The following LIPF variants were observed in gnomAD, a reference collection of about 807,000 sequenced individuals.
LIPF encodes the protein gastric triacylglycerol lipase.
Under a neutral mutation model 38.0 loss-of-function variants are expected in LIPF, and 25 were observed. That is an observed-to-expected ratio of 0.66 (90% CI 0.48 to 0.92). The LOEUF (loss-of-function observed/expected upper bound fraction) is 0.92, where lower values mean the gene tolerates loss of function less well. Ranked by LOEUF, LIPF falls within the 40% of genes least tolerant of loss-of-function variation. LIPF has a pLI of 0.00. For synonymous variants in LIPF, 161 were observed against 156.2 expected (o/e 1.03, Z -0.23); for missense variants, 410 against 469.9 (o/e 0.87, Z 1.18).
At position 88,668,660 on chromosome 10, in the gene LIPF, C is replaced by T; in HGVS notation, c.326C>T (p.Ala109Val). The change falls in exon 4 of 10, where the codon GCT becomes GTT. Residue 109 changes from alanine (A) to valine (V), a missense_variant. Ala to Val is a moderately conservative substitution (Grantham distance 64). Transcript: ENST00000238983. ...NNSLAFILAD[A>V]GYDVWLGNSR... is the part of the protein sequence containing the mutation. ...AGCCTTGCCTTCATTCTGGCAGATG[C>T]TGGTTATGATGTGTGGCTGGGCAAC... The T allele has an allele frequency of 6.2e-7, 1 of 1,614,180 alleles. No individual in the cohort carries two copies. Among genetic ancestry groups the T allele is most frequent in the East Asian group, 2.2e-5 (1 of 44,884 alleles).
chr10:88,669,995 T>G, intron 5 of LIPF, 49 bp downstream of exon 5: 1 of 1,208,552 alleles, frequency 8.3e-7, no homozygotes, highest in Non-Finnish European at 1.2e-6. Context: ...ATAAACACTT[T>G]CCCAGTGGTT....
At chr10:88,671,769 C>T (rs1841599401) in intron 5 of LIPF, 60 bp from the exon 6 acceptor site, 1 of 1,546,412 alleles carries the variant, frequency 6.5e-7, no homozygotes, top group Middle Eastern at 1.7e-4. Context: ...TAAAAACAAA[C>T]AAAACAACAA....
At chr10:88,672,666 A>ACTCT (rs1345269877) in intron 6 of LIPF, among the ~76,000 whole-genome samples, 2,746 of 121,498 alleles carry the variant, frequency 0.023, 24 homozygotes, top group Non-Finnish European at 0.031. Flanking sequence ...ACACACACAC[A>ACTCT]CACACTCTCT....
intron 9 of LIPF, among the ~76,000 whole-genome samples, chr10:88,678,243 G>A (rs577460990): frequency 5.3e-5 from 8 of 152,136 alleles, no homozygotes; most frequent in African/African-American, 2.4e-5. Flanking sequence ...TAATTCACAG[G>A]CCCATTAGAA....
At chr10:88,672,812 A>G (rs1204489158) in intron 6 of LIPF, among the ~76,000 whole-genome samples, 2 of 152,172 alleles carry the variant, frequency 1.3e-5, no homozygotes, top group Non-Finnish European at 2.9e-5. Flanking sequence ...AAAGCCTAAG[A>G]GAACTTACCT....
At chr10:88,673,222 A>G (rs1179940399) in intron 6 of LIPF, among the ~76,000 whole-genome samples, 1 of 152,124 alleles carries the variant, frequency 6.6e-6, no homozygotes. Flanking sequence ...ACTTTTCACA[A>G]TTTATTGCTG....
In LIPF at chr10:88,669,900, A is replaced by T. The variant is rs985737847; in HGVS notation, c.486A>T (p.Gly162=). The T allele has an allele frequency of 3.1e-6, 5 of 1,613,492 alleles. No individual in the cohort carries two copies. The African/African-American group carries it at 6.7e-5, about 22-fold the overall frequency. ...TCGACTTCATTGTAAAGAAAACTGG[A>T]CAGAAGCAGCTACACTATGTTGGCC... ...ATIDFIVKKT[G]QKQLHYVGHS... is the part of the protein sequence containing the mutation. Residue 162 remains glycine, a synonymous_variant, in exon 5 of 10, where the codon GGA becomes GGT. Coordinates refer to ENST00000238983, the MANE Select transcript of LIPF (RefSeq NM_004190.4).
At chr10:88,673,445 G>A (rs1841634616) in intron 6 of LIPF, 143 bp from the exon 7 acceptor site, 2 of 689,156 alleles carry the variant, frequency 2.9e-6, no homozygotes, top group African/African-American at 3.6e-5. Flanking sequence ...CTAAATGAAA[G>A]TATTGGAAAT....
Position 88,678,601 on chromosome 10 carries a change from T to C in LIPF, c.1117T>C (p.Leu373=), listed in dbSNP as rs1841725531. 5 of 1,614,010 alleles carry C rather than the reference T, an allele frequency of 3.1e-6. 1 individual carries two copies. The South Asian group carries it at 5.5e-5, about 18-fold the overall frequency. The change falls in exon 10 of 10, where the codon TTG becomes CTG. Residue 373 remains leucine, a synonymous_variant. Transcript: ENST00000238983. ...YHKEIPFYNH[L]DFIWAMDAPQ... ...CAAGGAGATTCCTTTTTACAATCAC[T>C]TGGACTTTATCTGGGCAATGGATGC...
At chr10:88,675,560 T>A in intron 7 of LIPF, 26 bp from the exon 8 acceptor site, 1 of 1,536,768 alleles carries the variant, frequency 6.5e-7, no homozygotes, top group Admixed American at 1.7e-5. Flanking sequence ...AGTATGTATA[T>A]AATATGTGTG....
intron 1 of LIPF, among the ~76,000 whole-genome samples, chr10:88,667,057 C>T: frequency 6.6e-6 from 1 of 151,754 alleles, no homozygotes; most frequent in East Asian, 1.9e-4. Flanking sequence ...CAAAAGGAAT[C>T]AAACAGTGAA....
chr10:88,667,785 T>A (rs1841536497), intron 3 of LIPF, 99 bp downstream of exon 3: 2 of 616,438 alleles, frequency 3.2e-6, no homozygotes. Context: ...CTTTTCCTTC[T>A]TTTGTTCTTC....
At chr10:88,672,247 A>G (rs1841611119) in intron 6 of LIPF, among the ~76,000 whole-genome samples, 1 of 152,146 alleles carries the variant, frequency 6.6e-6, no homozygotes, top group South Asian at 2.1e-4. Context: ...CACTCTACAC[A>G]GTTGTGTCAA....
chr10:88,675,369 G>A (rs1259293784), intron 7 of LIPF: 2 of 477,996 alleles, frequency 4.2e-6, no homozygotes, highest in African/African-American at 2.0e-5. Context: ...GAACTAATAA[G>A]TTCTCCTCAT....
chr10:88,666,681 A>T (rs892203628), intron 1 of LIPF, among the ~76,000 whole-genome samples: 1 of 151,968 alleles, frequency 6.6e-6, no homozygotes, highest in Non-Finnish European at 1.5e-5. Context: ...ATGTAGAAAC[A>T]CCCTATCTCT....
intron 7 of LIPF, 35 bp downstream of exon 7, chr10:88,673,769 AC>A: frequency 6.4e-7 from 1 of 1,573,548 alleles, no homozygotes; most frequent in Non-Finnish European, 8.7e-7. Context: ...ATTTTGAGCA[AC>A]ATCTTTGATT....
At chr10:88,665,667 G>C (rs1418889609) in intron 1 of LIPF, 1 of 752,706 alleles carries the variant, frequency 1.3e-6, no homozygotes, top group Non-Finnish European at 2.3e-6. Flanking sequence ...AACACTACTG[G>C]TTAGTCTTTA....
At chr10:88,672,683 C>T (rs1841622604) in intron 6 of LIPF, among the ~76,000 whole-genome samples, 1 of 151,698 alleles carries the variant, frequency 6.6e-6, no homozygotes. Context: ...CTCTCTCTCT[C>T]TCTCTCTCTT....
chr10:88,678,351 C>A, intron 9 of LIPF, 94 bp from the exon 10 acceptor site: 1 of 902,748 alleles, frequency 1.1e-6, no homozygotes, highest in Non-Finnish European at 1.8e-6. Flanking sequence ...ACTTATAAAA[C>A]CGCCAGTTAA....
Sources: allele counts gnomAD v4.1 joint callset (sites outside exome capture counted in the v4.1 genomes callset), GRCh38; gene constraint gnomAD v4.1.1; transcripts MANE v1.5; gene names NCBI Gene and HGNC (gene_info 2026-07-23, HGNC 2026-07-21).